The following ACACA variants were observed in gnomAD, a reference collection of about 807,000 sequenced individuals.
ACACA encodes acetyl-CoA carboxylase 1.
A neutral mutation model predicts 296.1 loss-of-function variants in ACACA; 103 were observed. The observed-to-expected ratio is 0.35, with a 90% CI of 0.30 to 0.41. ACACA has a LOEUF of 0.41. ACACA is among the 10% of genes least tolerant of loss of function. ACACA has a pLI of 1.00. For synonymous variants in ACACA, 953 were observed against 1,038.6 expected, an observed-to-expected ratio of 0.92 and a Z score of 1.58; for missense variants, 1,554 against 2,989.7, an observed-to-expected ratio of 0.52 and a Z score of 11.20.
chr17:37,202,696 TATATATATATATATATACACAC>T (rs1176020517), intron 33 of ACACA, among the ~76,000 whole-genome samples: 3 of 18,104 alleles, frequency 1.7e-4, no homozygotes, highest in African/African-American at 7.5e-4. Flanking sequence ...TATATATATA[TATATATATATATATATACACAC>T]ACACATATAT....
In ACACA at chr17:37,406,641, A is replaced by AACGGGCC. The variant is rs1247866760; in HGVS notation, c.-349_-343dup. 1 of 498,948 alleles carries AACGGGCC rather than the reference A, an allele frequency of 2.0e-6. No individual in the cohort carries two copies. Among genetic ancestry groups the AACGGGCC allele is most frequent in the Non-Finnish European group, 3.6e-6 (1 of 274,976 alleles). The allele number at this position is 498,948 out of a possible 1,614,324, so 30.9% of individuals were successfully genotyped here. A position where few individuals can be genotyped will look rare whatever the true frequency, so the allele number is the denominator to read the frequency against. On this transcript the variant is annotated 5_prime_UTR_variant, in exon 1 of 56. Coordinates refer to ENST00000616317, the MANE Select transcript of ACACA (RefSeq NM_198834.3). ...CCCCACGCGCCAGGAAGCCTCAGGCAACGGGCCACGCGCCACACGGGCAAA... is the reference window on the plus strand; with the variant it reads ...CCCCACGCGCCAGGAAGCCTCAGGCAACGGGCCACGGGCCACGCGCCACACGGGCAAA...
chr17:37,379,144 CACAG>C, intron 1 of ACACA: 1 of 1,612,648 alleles, frequency 6.2e-7, no homozygotes, highest in African/African-American at 1.3e-5. Flanking sequence ...CAGAAACTCA[CACAG>C]AAACCAAAAG....
At chr17:37,275,892 C>T in intron 8 of ACACA, 59 bp downstream of exon 8, 1 of 1,441,580 alleles carries the variant, frequency 6.9e-7, no homozygotes, top group Non-Finnish European at 9.8e-7. Context: ...GAGGTAAGTC[C>T]CAAATATCCT....
intron 29 of ACACA, among the ~76,000 whole-genome samples, chr17:37,221,276 C>T (rs908827028): frequency 6.6e-6 from 1 of 152,050 alleles, no homozygotes; most frequent in Non-Finnish European, 1.5e-5. Flanking sequence ...TTCAGGTGGT[C>T]TGTTTTAGGG....
At chr17:37,356,065 G>C (rs571708588) in intron 1 of ACACA, among the ~76,000 whole-genome samples, 7 of 152,076 alleles carry the variant, frequency 4.6e-5, no homozygotes, top group African/African-American at 1.7e-4. Context: ...CAGCTACTCA[G>C]GGGGGTGAGG....
intron 11 of ACACA, among the ~76,000 whole-genome samples, chr17:37,262,921 G>T (rs189105610): frequency 3.9e-5 from 6 of 152,052 alleles, no homozygotes; most frequent in Non-Finnish European, 8.8e-5. Context: ...GTAGAGATAG[G>T]GTTTCACCAT....
chr17:37,155,900 T>C (rs986297552), intron 42 of ACACA, 120 bp from the exon 43 acceptor site: 2 of 724,808 alleles, frequency 2.8e-6, no homozygotes, highest in Non-Finnish European at 5.0e-6. Context: ...ACATCACTTC[T>C]TAGGTTTACT....
At chr17:37,207,082 A>C (rs2078536111) in intron 31 of ACACA, among the ~76,000 whole-genome samples, 1 of 152,220 alleles carries the variant, frequency 6.6e-6, no homozygotes, top group African/African-American at 2.4e-5. Context: ...AAACTTTAAT[A>C]AACCATATAT....
At chr17:37,114,531 TAAAAAA>T (rs60963286) in intron 50 of ACACA, among the ~76,000 whole-genome samples, 3 of 122,840 alleles carry the variant, frequency 2.4e-5, no homozygotes, top group Non-Finnish European at 5.2e-5. Context: ...GCCCTGCCTT[TAAAAAA>T]AAAAAAAAAA....
intron 52 of ACACA, among the ~76,000 whole-genome samples, chr17:37,100,437 C>A (rs912762769): frequency 8.6e-5 from 13 of 151,832 alleles, no homozygotes; most frequent in African/African-American, 1.2e-4. Context: ...CATTCCTGCC[C>A]AAAAAGCAGA....
chr17:37,399,498 G>A (rs532725966), intron 1 of ACACA, among the ~76,000 whole-genome samples: 15 of 152,280 alleles, frequency 9.9e-5, no homozygotes, highest in Non-Finnish European at 1.6e-4. Flanking sequence ...CAAGATGGAG[G>A]TCCTGTACAT....
intron 29 of ACACA, among the ~76,000 whole-genome samples, chr17:37,219,345 C>T (rs188453221): frequency 4.1e-4 from 63 of 152,230 alleles, no homozygotes; most frequent in Admixed American, 3.3e-3. Flanking sequence ...GCGTCTCGTG[C>T]TTTTGGCTGA....
At chr17:37,162,936 T>C (rs2076520439) in intron 41 of ACACA, 1 of 154,616 alleles carries the variant, frequency 6.5e-6, no homozygotes, top group Non-Finnish European at 1.4e-5. Flanking sequence ...TGTCATCCAG[T>C]GCTAGTGAGA....
intron 8 of ACACA, among the ~76,000 whole-genome samples, chr17:37,275,631 C>T (rs1170313406): frequency 2.0e-5 from 3 of 152,140 alleles, no homozygotes; most frequent in Admixed American, 2.0e-4. Context: ...CCCTGGGAAG[C>T]CCACCTCTGA....
intron 2 of ACACA, among the ~76,000 whole-genome samples, chr17:37,336,323 C>A (rs1320997880): frequency 1.3e-5 from 2 of 152,144 alleles, no homozygotes; most frequent in Non-Finnish European, 2.9e-5. Context: ...ACCTCCCCAA[C>A]AGCAGTTGGG....
intron 25 of ACACA, among the ~76,000 whole-genome samples, chr17:37,229,049 C>T (rs1320063230): frequency 6.7e-6 from 1 of 150,030 alleles, no homozygotes; most frequent in Non-Finnish European, 1.5e-5. Flanking sequence ...GAGGCTGAGG[C>T]AGGAGAATGG....
At chr17:37,245,286 T>A in intron 19 of ACACA, 72 bp from the exon 20 acceptor site, 1 of 1,552,920 alleles carries the variant, frequency 6.4e-7, no homozygotes. Flanking sequence ...GAACTAAAAT[T>A]TTTCCCTTAG....
intron 1 of ACACA, among the ~76,000 whole-genome samples, chr17:37,367,928 G>A (rs1364541718): frequency 6.6e-6 from 1 of 152,046 alleles, no homozygotes; most frequent in African/African-American, 2.4e-5. Context: ...TTAGCCGGGT[G>A]TGGTGGCACA....
At chr17:37,126,875 T>C (rs2074814207) in intron 47 of ACACA, among the ~76,000 whole-genome samples, 3 of 152,208 alleles carry the variant, frequency 2.0e-5, no homozygotes, top group Admixed American at 2.0e-4. Flanking sequence ...GGGCGTCAGT[T>C]TGAAGAATAT....
Sources: allele counts gnomAD v4.1 joint callset (sites outside exome capture counted in the v4.1 genomes callset), GRCh38; gene constraint gnomAD v4.1.1; transcripts MANE v1.5; gene names NCBI Gene and HGNC (gene_info 2026-07-23, HGNC 2026-07-21).